Variants in ULK4 observed in about 807,000 individuals in gnomAD.
ULK4 encodes unc-51 like kinase 4, also known as inactive serine/threonine-protein kinase ULK4.
In ULK4, 133 loss-of-function variants were observed where a neutral mutation model predicts 160.6. The ratio of observed to expected loss-of-function variants is 0.83; its 90% CI spans 0.72 to 0.96. The LOEUF (loss-of-function observed/expected upper bound fraction) is 0.96, where lower values mean the gene tolerates loss of function less well. ULK4 is among the 40% of genes least tolerant of loss of function. The pLI, the probability that ULK4 is intolerant of heterozygous loss-of-function variation, is 0.00. For missense variants in ULK4, 1,580 were observed against 1,499.5 expected (o/e 1.05, Z -0.89); for synonymous variants, 534 against 539.8 (o/e 0.99, Z 0.15).
chr3:41,949,337 A>C (rs12330747), intron 2 of ULK4, among the ~76,000 whole-genome samples: 97,907 of 150,450 alleles, frequency 0.65, 34,809 homozygotes, highest in East Asian at 0.83. Flanking sequence ...CACACACACA[A>C]AAAGTAAAGT....
chr3:41,283,851 T>A (rs538151098), intron 35 of ULK4, among the ~76,000 whole-genome samples: 4 of 143,782 alleles, frequency 2.8e-5, no homozygotes, highest in East Asian at 2.0e-4. Context: ...ATAAAAAAAA[T>A]TCAGCAAAGT....
At chr3:41,591,973 C>T (rs1032206264) in intron 31 of ULK4, among the ~76,000 whole-genome samples, 1 of 152,214 alleles carries the variant, frequency 6.6e-6, no homozygotes, top group East Asian at 1.9e-4. Context: ...CTGCAGCTCC[C>T]AGTTGGATGG....
intron 35 of ULK4, among the ~76,000 whole-genome samples, chr3:41,357,384 TG>T (rs2081049870): frequency 6.6e-6 from 1 of 152,050 alleles, no homozygotes; most frequent in Admixed American, 6.6e-5. Flanking sequence ...ACTGTGAGGA[TG>T]TGTTCATGGC....
intron 32 of ULK4, among the ~76,000 whole-genome samples, chr3:41,508,875 G>A (rs983721128): frequency 6.6e-6 from 1 of 152,062 alleles, no homozygotes; most frequent in Non-Finnish European, 1.5e-5. Context: ...GAATGAGAAG[G>A]AACCAGAAAA....
At chr3:41,290,417 G>A (rs1209348645) in intron 35 of ULK4, among the ~76,000 whole-genome samples, 1 of 152,166 alleles carries the variant, frequency 6.6e-6, no homozygotes, top group Admixed American at 6.5e-5. Context: ...TCCACCAACT[G>A]GAAAGTAGGA....
intron 17 of ULK4, among the ~76,000 whole-genome samples, chr3:41,881,414 T>C (rs1250742851): frequency 1.3e-5 from 2 of 152,306 alleles, no homozygotes; most frequent in South Asian, 2.1e-4. Flanking sequence ...ACTTTTTTTC[T>C]GGTGCTTGAA....
rs915412278 is a variant in ULK4 at position 41,724,177 on chromosome 3, C to T, written c.2322-6316G>A. Among the ~76,000 whole-genome samples, 16 of 152,220 alleles carry T rather than the reference C, an allele frequency of 1.1e-4. 1 individual carries two copies. The highest frequency in any genetic ancestry group is 1.0e-3 in the South Asian group (5 of 4,824). On this transcript the variant is annotated intron_variant, in intron 22 of 36. Coordinates refer to ENST00000301831, the MANE Select transcript of ULK4 (RefSeq NM_017886.4). Reference sequence around the variant, plus strand: ...TCTTTTTCATTGCTGTGTAGTGTTCCGGTATGTGAATATACCATAATTTAC... The same window carrying T: ...TCTTTTTCATTGCTGTGTAGTGTTCTGGTATGTGAATATACCATAATTTAC...
At chr3:41,469,294 T>C (rs2083911661) in intron 32 of ULK4, among the ~76,000 whole-genome samples, 1 of 152,104 alleles carries the variant, frequency 6.6e-6, no homozygotes, top group Non-Finnish European at 1.5e-5. Flanking sequence ...CTCCCAGCCA[T>C]TCCAATTAGC....
intron 1 of ULK4, among the ~76,000 whole-genome samples, chr3:41,956,140 T>C (rs1004840251): frequency 2.0e-5 from 3 of 152,208 alleles, no homozygotes; most frequent in Admixed American, 6.5e-5. Flanking sequence ...TCAGACTGAT[T>C]GGGGCGTAGT....
intron 17 of ULK4, among the ~76,000 whole-genome samples, chr3:41,839,369 A>G (rs1179959307): frequency 6.6e-6 from 1 of 151,338 alleles, no homozygotes; most frequent in Non-Finnish European, 1.5e-5. Flanking sequence ...ACATGTTCTC[A>G]CTACAAAAAA....
At position 41,385,586 on chromosome 3, in the gene ULK4, A is replaced by G. The variant is rs75818047; in HGVS notation, c.3678+12493T>C. Reference sequence around the variant, plus strand: ...CTTGGTATGCACAGCCACATGTGCAAACAGATGCAGAAAATGGGAAAAAAA... The same window carrying G: ...CTTGGTATGCACAGCCACATGTGCAGACAGATGCAGAAAATGGGAAAAAAA... On this transcript the variant is annotated intron_variant, in intron 35 of 36. Transcript: ENST00000301831. Among the ~76,000 whole-genome samples, 1,019 of 152,346 alleles carry G rather than the reference A, an allele frequency of 6.7e-3. 4 individuals carry two copies. Among genetic ancestry groups the G allele is most frequent in the African/African-American group, 0.015 (626 of 41,582 alleles).
chr3:41,671,828 G>A (rs1260039550), intron 29 of ULK4, among the ~76,000 whole-genome samples: 1 of 151,638 alleles, frequency 6.6e-6, no homozygotes, highest in Non-Finnish European at 1.5e-5. Context: ...CAACCAAGAG[G>A]GGAACTAATA....
chr3:41,255,129 T>TACACACACACACACAC (rs369404667), intron 35 of ULK4, among the ~76,000 whole-genome samples: 1,588 of 144,216 alleles, frequency 0.011, 30 homozygotes, highest in African/African-American at 0.031. Context: ...AAATTATGGC[T>TACACACACACACACAC]ACACACACAC....
At chr3:41,609,176 T>C (rs2125674280) in intron 31 of ULK4, among the ~76,000 whole-genome samples, 1 of 152,338 alleles carries the variant, frequency 6.6e-6, no homozygotes, top group East Asian at 1.9e-4. Flanking sequence ...ATATGGTTTT[T>C]AACTCAATAA....
intron 35 of ULK4, among the ~76,000 whole-genome samples, chr3:41,281,098 T>C (rs2079343558): frequency 6.6e-6 from 1 of 152,092 alleles, no homozygotes; most frequent in South Asian, 2.1e-4. Flanking sequence ...CTCCCAAGAC[T>C]AAACCAGGAA....
chr3:41,410,367 C>T (rs2125826598), intron 34 of ULK4, among the ~76,000 whole-genome samples: 1 of 152,154 alleles, frequency 6.6e-6, no homozygotes. Flanking sequence ...AAGCACTGAT[C>T]CGTGCTATAA....
chr3:41,660,999 T>C (rs181667231), intron 30 of ULK4, among the ~76,000 whole-genome samples: 240 of 152,330 alleles, frequency 1.6e-3, no homozygotes, highest in Middle Eastern at 6.8e-3. Context: ...TATATAAAAT[T>C]GTATAAATTT....
intron 20 of ULK4, among the ~76,000 whole-genome samples, chr3:41,795,388 G>T (rs1356923661): frequency 6.6e-6 from 1 of 152,060 alleles, no homozygotes; most frequent in Middle Eastern, 3.2e-3. Flanking sequence ...CAGTAAAGAG[G>T]GGAGTTTAAT....
chr3:41,757,002 C>CA, intron 21 of ULK4, among the ~76,000 whole-genome samples: 1 of 151,934 alleles, frequency 6.6e-6, no homozygotes, highest in East Asian at 1.9e-4. Context: ...AATGTAAATA[C>CA]AAAAAATGTT....
Sources: allele counts gnomAD v4.1 joint callset (sites outside exome capture counted in the v4.1 genomes callset), GRCh38; gene constraint gnomAD v4.1.1; transcripts MANE v1.5; gene names NCBI Gene and HGNC (gene_info 2026-07-23, HGNC 2026-07-21).